The following TMEM135 variants were observed in gnomAD, a reference collection of about 807,000 sequenced individuals.
TMEM135 encodes peroxisomal membrane protein 52.
Under a neutral mutation model 60.3 loss-of-function variants are expected in TMEM135, and 30 were observed. That is an observed-to-expected ratio of 0.50 (90% confidence interval 0.37 to 0.68). The LOEUF (loss-of-function observed/expected upper bound fraction) is 0.68, where lower values mean the gene tolerates loss of function less well. TMEM135 is among the 30% of genes least tolerant of loss of function. The probability of loss-of-function intolerance (pLI) is 0.00; values close to 1 mark genes in which losing one functional copy is unlikely to be tolerated. For missense variants in TMEM135, 468 were observed against 548.8 expected, an observed-to-expected ratio of 0.85 and a Z score of 1.47; for synonymous variants, 190 against 186.7, an observed-to-expected ratio of 1.02 and a Z score of -0.14.
intron 4 of TMEM135, chr11:87,121,361 T>A (rs1858051339): frequency 6.6e-6 from 1 of 152,142 alleles, no homozygotes; most frequent in South Asian, 2.1e-4. Flanking sequence ...TTCAGTATAA[T>A]GTAGAAGAAT....
Position 87,323,688 on chromosome 11 carries a change from G to T in TMEM135, c.*2355G>T, listed in dbSNP as rs544549524. 3.3e-5 allele frequency: 15 copies of T among 452,688 alleles called. No individual in the cohort carries two copies. Among genetic ancestry groups the T allele is most frequent in the African/African-American group, 2.8e-4 (14 of 49,914 alleles). The allele number at this position is 452,688 out of a possible 1,614,324, so 28.0% of individuals were successfully genotyped here. A position where few individuals can be genotyped will look rare whatever the true frequency, so the allele number is the denominator to read the frequency against. On this transcript the variant is annotated 3_prime_UTR_variant, in exon 15 of 15. Coordinates refer to ENST00000305494, the MANE Select transcript of TMEM135 (RefSeq NM_022918.4). ...GGGGCAGTGGTATTATGGTCATTTC[G>T]TTGCTATTTTCTGTTTTAATAAAAT... is the stretch of plus-strand genomic sequence containing the variant.
chr11:87,159,575 T>C (rs1205245906), intron 5 of TMEM135, among the ~76,000 whole-genome samples: 2 of 128,874 alleles, frequency 1.6e-5, no homozygotes, highest in Non-Finnish European at 3.2e-5. Flanking sequence ...TCAAAGATAC[T>C]ACTGAATACA....
intron 4 of TMEM135, among the ~76,000 whole-genome samples, chr11:87,136,436 G>A (rs1012109290): frequency 6.6e-6 from 1 of 151,962 alleles, no homozygotes; most frequent in Non-Finnish European, 1.5e-5. Context: ...AACTATGCCC[G>A]TGGGGGATAT....
intron 8 of TMEM135, among the ~76,000 whole-genome samples, chr11:87,303,342 C>T (rs1344713129): frequency 6.6e-6 from 1 of 152,094 alleles, no homozygotes; most frequent in Non-Finnish European, 1.5e-5. Context: ...TCCTAAACCA[C>T]CCCCCTCTCC....
At chr11:87,061,383 T>G (rs1292239930) in intron 1 of TMEM135, among the ~76,000 whole-genome samples, 1 of 152,194 alleles carries the variant, frequency 6.6e-6, no homozygotes, top group Non-Finnish European at 1.5e-5. Context: ...AGGACAGCCC[T>G]GCACAACAGA....
chr11:87,185,114 C>T (rs892587499), intron 5 of TMEM135, among the ~76,000 whole-genome samples: 1 of 152,140 alleles, frequency 6.6e-6, no homozygotes, highest in Non-Finnish European at 1.5e-5. Context: ...CATCATATCA[C>T]TCTATGTAAA....
Position 87,326,455 on chromosome 11 carries a change from AG to A in TMEM135, c.*5123del. ...GATCTCTTAAATTAATTTTCTTTTC[AG>A]ATTATTTTTGGTCACCTAAGAGGAC... On this transcript the variant is annotated 3_prime_UTR_variant, in exon 15 of 15. Coordinates refer to ENST00000305494, the MANE Select transcript of TMEM135 (RefSeq NM_022918.4). 1 of 453,992 alleles carries A rather than the reference AG, an allele frequency of 2.2e-6. No homozygotes were observed. Among genetic ancestry groups the A allele is most frequent in the Non-Finnish European group, 4.4e-6 (1 of 226,762 alleles). 28.1% of individuals were successfully genotyped at this position (453,992 alleles called of 1,614,324 possible).
intron 6 of TMEM135, among the ~76,000 whole-genome samples, chr11:87,267,479 A>G (rs1257468017): frequency 2.0e-5 from 3 of 152,214 alleles, no homozygotes; most frequent in Non-Finnish European, 4.4e-5. Flanking sequence ...AAAGAAAAAC[A>G]AAAGTGTTTT....
chr11:87,079,599 A>G (rs1358593451), intron 3 of TMEM135, among the ~76,000 whole-genome samples: 6 of 151,316 alleles, frequency 4.0e-5, no homozygotes, highest in Non-Finnish European at 7.4e-5. Context: ...TCCAATCTGT[A>G]TGTCCTTTTT....
intron 5 of TMEM135, among the ~76,000 whole-genome samples, chr11:87,225,103 A>G (rs562200592): frequency 1.1e-4 from 17 of 152,238 alleles, no homozygotes; most frequent in South Asian, 2.1e-4. Context: ...TTCATCTACT[A>G]TACATGAAAA....
At chr11:87,119,006 T>G (rs1377128873) in intron 4 of TMEM135, among the ~76,000 whole-genome samples, 2 of 152,250 alleles carry the variant, frequency 1.3e-5, no homozygotes, top group African/African-American at 4.8e-5. Context: ...GCTGTTTTGC[T>G]TTCTTGTCAT....
At chr11:87,131,365 G>C (rs1016279998) in intron 4 of TMEM135, among the ~76,000 whole-genome samples, 1 of 65,948 alleles carries the variant, frequency 1.5e-5, no homozygotes, top group Admixed American at 1.9e-4. Flanking sequence ...ACTTTTTACT[G>C]TCTCTATGGT....
At chr11:87,212,921 A>G (rs1591108196) in intron 5 of TMEM135, among the ~76,000 whole-genome samples, 1 of 151,886 alleles carries the variant, frequency 6.6e-6, no homozygotes, top group African/African-American at 2.4e-5. Context: ...AGAAATTACT[A>G]TTTATTTACA....
At chr11:87,159,872 G>C (rs1938820595) in intron 5 of TMEM135, among the ~76,000 whole-genome samples, 1 of 152,036 alleles carries the variant, frequency 6.6e-6, no homozygotes, top group Non-Finnish European at 1.5e-5. Context: ...GAGAGTAGGA[G>C]TAAACTAAAA....
chr11:87,153,400 A>T (rs139944059), intron 4 of TMEM135, among the ~76,000 whole-genome samples: 1 of 152,276 alleles, frequency 6.6e-6, no homozygotes, highest in Non-Finnish European at 1.5e-5. Flanking sequence ...ATATATTGAC[A>T]TCTTGTAGAG....
chr11:87,185,303 T>G (rs930897180), intron 5 of TMEM135, among the ~76,000 whole-genome samples: 5 of 152,166 alleles, frequency 3.3e-5, no homozygotes, highest in Non-Finnish European at 7.4e-5. Context: ...TATGTTCCAG[T>G]TAGTTAAGAT....
intron 11 of TMEM135, 148 bp downstream of exon 11, chr11:87,313,636 T>G (rs893161892): frequency 5.4e-6 from 4 of 737,658 alleles, no homozygotes; most frequent in Non-Finnish European, 9.2e-6. Context: ...CCAAATACTT[T>G]GTGATGTTTA....
chr11:87,236,623 T>C lies in TMEM135; in HGVS notation c.463-15T>C. 1 of 1,611,402 alleles carries C rather than the reference T, an allele frequency of 6.2e-7. No homozygotes were observed. The highest frequency in any genetic ancestry group is 8.5e-7 in the Non-Finnish European group (1 of 1,178,248). ...AGTGTTCTTTTGCAAGTAATATATT[T>C]TCTCTTTGTTACAGGTCCTTTTGTT... is the stretch of plus-strand genomic sequence containing the variant. On this transcript the variant is annotated splice_polypyrimidine_tract_variant and intron_variant, in intron 5 of 14. Transcript: ENST00000305494.
chr11:87,108,936 A>G (rs541809556), intron 4 of TMEM135, among the ~76,000 whole-genome samples: 1 of 152,252 alleles, frequency 6.6e-6, no homozygotes, highest in South Asian at 2.1e-4. Flanking sequence ...GAGCTTTGAC[A>G]TACTGAACAA....
Sources: allele counts gnomAD v4.1 joint callset (sites outside exome capture counted in the v4.1 genomes callset), GRCh38; gene constraint gnomAD v4.1.1; transcripts MANE v1.5; gene names NCBI Gene and HGNC (gene_info 2026-07-23, HGNC 2026-07-21).